TIMP3: variants seen among roughly 807,000 people sequenced by gnomAD.
TIMP3 encodes the protein metalloproteinase inhibitor 3.
In TIMP3, 11 loss-of-function variants were observed where a neutral mutation model predicts 30.0. The observed-to-expected ratio is 0.37, with a 90% CI of 0.23 to 0.61. The LOEUF (loss-of-function observed/expected upper bound fraction) is 0.61, where lower values mean the gene tolerates loss of function less well. TIMP3 is among the 20% of genes least tolerant of loss of function. TIMP3 has a pLI of 0.70. For synonymous variants in TIMP3, 112 were observed against 111.3 expected (o/e 1.01, Z -0.04); for missense variants, 181 against 276.8 (o/e 0.65, Z 2.45).
At chr22:32,838,882 C>A (rs2047813622) in intron 1 of TIMP3, among the ~76,000 whole-genome samples, 1 of 151,754 alleles carries the variant, frequency 6.6e-6, no homozygotes. Context: ...CAGATGCAGT[C>A]CCTGCCATCC....
At chr22:32,831,001 C>A (rs107614) in intron 1 of TIMP3, among the ~76,000 whole-genome samples, 145,430 of 152,290 alleles carry the variant, frequency 0.95, 69,497 homozygotes, top group African/African-American at 0.99. Flanking sequence ...AGAGGAGAAA[C>A]ATGAAGGTAA....
chr22:32,843,147 T>C (rs981020010), intron 1 of TIMP3, among the ~76,000 whole-genome samples: 2 of 152,158 alleles, frequency 1.3e-5, no homozygotes, highest in East Asian at 1.9e-4. Flanking sequence ...TTGTCCACAG[T>C]TGGAAAGTAG....
chr22:32,807,424 T>A (rs1283816947), intron 1 of TIMP3, among the ~76,000 whole-genome samples: 4 of 96,552 alleles, frequency 4.1e-5, no homozygotes, highest in South Asian at 2.5e-4. Flanking sequence ...ACATATATAT[T>A]ATATATATAA....
rs2048515476 is a variant in TIMP3 at position 32,860,887 on chromosome 22, G to A, written c.*1510G>A. 6.7e-6 allele frequency: 1 copy of A among 148,960 alleles called. No homozygotes were observed. The highest frequency in any genetic ancestry group is 2.1e-4 in the South Asian group (1 of 4,690). The allele number at this position is 148,960 out of a possible 1,614,324, so 9.2% of individuals were successfully genotyped here. A position where few individuals can be genotyped will look rare whatever the true frequency, so the allele number is the denominator to read the frequency against. ...TGGTCACTGGGGAAAGCCTGAGTTT[G>A]CAACCAGTTGTAGGGTTTCTGTTGT... On this transcript the variant is annotated 3_prime_UTR_variant, in exon 5 of 5. Transcript: ENST00000266085.
At chr22:32,834,993 C>T (rs2047687512) in intron 1 of TIMP3, among the ~76,000 whole-genome samples, 1 of 152,242 alleles carries the variant, frequency 6.6e-6, no homozygotes, top group South Asian at 2.1e-4. Flanking sequence ...AGCCATGTGA[C>T]CTCCGACCTG....
intron 1 of TIMP3, among the ~76,000 whole-genome samples, chr22:32,803,969 G>A (rs1185710884): frequency 6.6e-6 from 1 of 152,126 alleles, no homozygotes. Context: ...TTCCAATGGG[G>A]GCCTTCCCGT....
In TIMP3 at chr22:32,862,925, T is replaced by C. The variant is rs2048586213; in HGVS notation, c.*3548T>C. 1.3e-5 allele frequency: 2 copies of C among 152,670 alleles called. No homozygotes were observed. Among genetic ancestry groups the C allele is most frequent in the Non-Finnish European group, 2.9e-5 (2 of 68,046 alleles). The allele number at this position is 152,670 out of a possible 1,614,324, so 9.5% of individuals were successfully genotyped here. ...TAGCACTGTTTACAGTTTTCCTCCA[T>C]GTTATTTATGAATTTTATATTCCGT... On this transcript the variant is annotated 3_prime_UTR_variant, in exon 5 of 5. Coordinates refer to ENST00000266085, the MANE Select transcript of TIMP3 (RefSeq NM_000362.5).
intron 1 of TIMP3, among the ~76,000 whole-genome samples, chr22:32,814,135 TGTGTGTGAGAGAGA>T (rs1299463871): frequency 8.3e-5 from 6 of 72,084 alleles, no homozygotes; most frequent in African/African-American, 3.1e-4. Flanking sequence ...TGTGTGTGTG[TGTGTGTGAGAGAGA>T]GAGAGAGAGA....
At chr22:32,810,289 C>T in intron 1 of TIMP3, among the ~76,000 whole-genome samples, 1 of 152,164 alleles carries the variant, frequency 6.6e-6, no homozygotes, top group East Asian at 1.9e-4. Context: ...GCTTTGCTGT[C>T]ACAGAAGGGA....
At position 32,812,926 on chromosome 22, in the gene TIMP3, A is replaced by T. The variant is rs139548116; in HGVS notation, c.121+10804A>T. Among the ~76,000 whole-genome samples, 252 of 152,324 alleles carry T rather than the reference A, an allele frequency of 1.7e-3. 1 individual carries two copies. The highest frequency in any genetic ancestry group is 3.1e-3 in the Non-Finnish European group (211 of 68,026). ...GGACTGAGAGATCCAAGAATCTCAG[A>T]ATCCAGGTTGGTCTCCAGGGTGCAG... On this transcript the variant is annotated intron_variant, in intron 1 of 4. Coordinates refer to ENST00000266085, the MANE Select transcript of TIMP3 (RefSeq NM_000362.5).
At chr22:32,831,656 G>C (rs187003018) in intron 1 of TIMP3, among the ~76,000 whole-genome samples, 1 of 152,296 alleles carries the variant, frequency 6.6e-6, no homozygotes, top group Non-Finnish European at 1.5e-5. Flanking sequence ...GTAGATTTCA[G>C]AACACACAGA....
At chr22:32,814,137 TGTGTGAGAGAGA>T (rs1309221845) in intron 1 of TIMP3, among the ~76,000 whole-genome samples, 1 of 80,134 alleles carries the variant, frequency 1.2e-5, no homozygotes, top group African/African-American at 4.8e-5. Flanking sequence ...TGTGTGTGTG[TGTGTGAGAGAGA>T]GAGAGAGAGA....
chr22:32,830,480 G>C (rs991314327), intron 1 of TIMP3, among the ~76,000 whole-genome samples: 1 of 152,170 alleles, frequency 6.6e-6, no homozygotes, highest in Non-Finnish European at 1.5e-5. Context: ...TCTTTGCCCT[G>C]TGTGCCCCTC....
At chr22:32,814,311 G>GAGACAGAA (rs2047015052) in intron 1 of TIMP3, among the ~76,000 whole-genome samples, 1 of 149,148 alleles carries the variant, frequency 6.7e-6, no homozygotes, top group Non-Finnish European at 1.5e-5. Flanking sequence ...GAGAGAGAGA[G>GAGACAGAA]AGAGACAGAA....
rs57490118 is a variant in TIMP3 at position 32,816,810 on chromosome 22, C to T, written c.121+14688C>T. On this transcript the variant is annotated intron_variant, in intron 1 of 4. Coordinates refer to ENST00000266085, the MANE Select transcript of TIMP3 (RefSeq NM_000362.5). ...CTTCCCTGGGAGGAATTCAGCAGCA[C>T]CTCTTGTAAGTCATCAGGTGTGCTG... is the stretch of plus-strand genomic sequence containing the variant. Among the ~76,000 whole-genome samples the T allele has an allele frequency of 9.4e-3, 1,432 of 152,284 alleles. 23 individuals carry two copies. Among genetic ancestry groups the T allele is most frequent in the African/African-American group, 0.033 (1,379 of 41,552 alleles).
chr22:32,838,652 G>A (rs541383372), intron 1 of TIMP3, among the ~76,000 whole-genome samples: 2 of 152,006 alleles, frequency 1.3e-5, no homozygotes, highest in East Asian at 1.9e-4. Flanking sequence ...GTCGGTATTC[G>A]GCCTCTCCAG....
At chr22:32,844,345 G>T (rs2048002425) in intron 1 of TIMP3, among the ~76,000 whole-genome samples, 1 of 152,160 alleles carries the variant, frequency 6.6e-6, no homozygotes, top group East Asian at 1.9e-4. Context: ...AATTGCCATT[G>T]GAAAATTGTT....
At chr22:32,852,858 G>A (rs149813320) in intron 2 of TIMP3, among the ~76,000 whole-genome samples, 10 of 152,330 alleles carry the variant, frequency 6.6e-5, no homozygotes, top group Non-Finnish European at 1.2e-4. Flanking sequence ...GCTGCTCTAA[G>A]CTGTGGGGAC....
intron 1 of TIMP3, among the ~76,000 whole-genome samples, chr22:32,826,421 C>A (rs2047414301): frequency 6.6e-6 from 1 of 151,652 alleles, no homozygotes; most frequent in Non-Finnish European, 1.5e-5. Flanking sequence ...AGAGCAAACT[C>A]CGTCTCAAAA....
Sources: allele counts gnomAD v4.1 joint callset (sites outside exome capture counted in the v4.1 genomes callset), GRCh38; gene constraint gnomAD v4.1.1; transcripts MANE v1.5; gene names NCBI Gene and HGNC (gene_info 2026-07-23, HGNC 2026-07-21).